Variants in BRD2 observed in about 807,000 individuals in gnomAD.
The protein encoded by BRD2 is bromodomain containing 2, also known as bromodomain-containing protein 2.
BRD2 carries 15 observed loss-of-function variants against 79.1 expected under a neutral mutation model. That is an observed-to-expected ratio of 0.19 (90% confidence interval 0.13 to 0.29). The LOEUF (loss-of-function observed/expected upper bound fraction) is 0.29, where lower values mean the gene tolerates loss of function less well. Among genes scored for constraint, BRD2 ranks in the 10% least tolerant of loss-of-function variants. The pLI, the probability that BRD2 is intolerant of heterozygous loss-of-function variation, is 1.00. For synonymous variants in BRD2, 488 were observed against 358.6 expected, an observed-to-expected ratio of 1.36 and a Z score of -4.08; for missense variants, 1,053 against 991.3, an observed-to-expected ratio of 1.06 and a Z score of -0.84.
rs574090646 is a variant in BRD2 at position 32,978,452 on chromosome 6, C to G, written c.1841+64C>G. On this transcript the variant is annotated intron_variant, in intron 10 of 12. Transcript: ENST00000374825. The stretch of plus-strand genomic sequence containing the variant: ...TCTGTCTCTCTGGGGGATGCCATCT[C>G]TCTTTGCAAAGATAATTCTAAATGG... 34 of 1,562,204 alleles carry G rather than the reference C, an allele frequency of 2.2e-5. No individual in the cohort carries two copies. The African/African-American group carries it at 3.7e-4, about 17-fold the overall frequency.
At position 32,980,792 on chromosome 6, in the gene BRD2, C is replaced by T. The variant is rs1316510519; in HGVS notation, c.*74C>T. On this transcript the variant is annotated 3_prime_UTR_variant, in exon 13 of 13. Coordinates refer to ENST00000374825, the MANE Select transcript of BRD2 (RefSeq NM_005104.4). ...GACCACCCTGCCCCACCTGCCCCTT[C>T]CCCCTTTGCTGTGACACTTCTTCAT... The T allele has an allele frequency of 2.6e-6, 4 of 1,557,954 alleles. No homozygotes were observed. The highest frequency in any genetic ancestry group is 2.7e-5 in the African/African-American group (2 of 73,490).
Position 32,980,120 on chromosome 6 carries a change from C to T in BRD2, c.2134C>T (p.Arg712Trp), listed in dbSNP as rs763703049. The T allele has an allele frequency of 1.1e-5, 18 of 1,611,772 alleles. No individual in the cohort carries two copies. Among genetic ancestry groups the T allele is most frequent in the African/African-American group, 6.7e-5 (5 of 74,950 alleles). Reference sequence around the variant, plus strand: ...CCTTTCCTGCCTACGTAAGAAACCCCGGAAGCCCTACAGTACGTATGAAAT... The same window carrying T: ...CCTTTCCTGCCTACGTAAGAAACCCTGGAAGCCCTACAGTACGTATGAAAT... Reference protein sequence around the residue: ...YVLSCLRKKPRKPYTIKKPVG... With the variant: ...YVLSCLRKKPWKPYTIKKPVG... Residue 712 changes from arginine (R) to tryptophan (W), a missense_variant, in exon 11 of 13, where the codon CGG becomes TGG. Physicochemically the swap from Arg to Trp is moderately radical, Grantham distance 101 (BLOSUM62 -3). Transcript: ENST00000374825.
Position 32,980,752 on chromosome 6 carries a change from A to C in BRD2, c.*34A>C, listed in dbSNP as rs747933045. 1 of 1,610,726 alleles carries C rather than the reference A, an allele frequency of 6.2e-7. No individual in the cohort carries two copies. Among genetic ancestry groups the C allele is most frequent in the South Asian group, 1.1e-5 (1 of 91,004 alleles). The stretch of plus-strand genomic sequence containing the variant: ...GCCAGATGGGGCAGGAAGGCTCCGC[A>C]GGACCGGACCCCTAGACCACCCTGC... On this transcript the variant is annotated 3_prime_UTR_variant, in exon 13 of 13. Coordinates refer to ENST00000374825, the MANE Select transcript of BRD2 (RefSeq NM_005104.4).
rs1444435161 is a variant in BRD2 at position 32,978,129 on chromosome 6, C to A, written c.1582C>A (p.Arg528=). The A allele has an allele frequency of 2.5e-6, 4 of 1,603,774 alleles. No individual in the cohort carries two copies. The African/African-American group carries it at 5.4e-5, about 22-fold the overall frequency. ...HRLAELQEQL[R]AVHEQLAALS... ...CTTCATGTTTTTTTTCCTTTAGCTT[C>A]GGGCAGTACATGAACAACTGGCTGC... The change falls in exon 10 of 13, where the codon CGG becomes AGG. Residue 528 remains arginine (R), a synonymous_variant. Transcript: ENST00000374825.
At position 32,976,663 on chromosome 6, in the gene BRD2, G is replaced by A. The variant is rs1282820227; in HGVS notation, c.927G>A (p.Lys309=). The A allele has an allele frequency of 1.2e-6, 2 of 1,612,842 alleles. No homozygotes were observed. The highest frequency in any genetic ancestry group is 1.7e-6 in the Non-Finnish European group (2 of 1,180,046). ...GCCCTCCTGGGAGTCTTGAGCCTAAGGCAGCACGGCTTCCCCCTATGCGTA... is the reference window on the plus strand; with the variant it reads ...GCCCTCCTGGGAGTCTTGAGCCTAAAGCAGCACGGCTTCCCCCTATGCGTA... ...PASPPGSLEP[K]AARLPPMRRE... is the part of the protein sequence containing the mutation. The change falls in exon 7 of 13, where the codon AAG becomes AAA. Residue 309 remains lysine (K), a synonymous_variant. Transcript: ENST00000374825.
intron 3 of BRD2, chr6:32,975,117 T>C: frequency 6.6e-7 from 1 of 1,507,668 alleles, no homozygotes; most frequent in African/African-American, 1.4e-5. Context: ...CCAGAGGTAA[T>C]GTCACAGGAT....
At position 32,977,409 on chromosome 6, in the gene BRD2, C is replaced by G. The variant is rs377617581; in HGVS notation, c.1201-33C>G. ...GGCAGGGAAAGGTGAGTCTTCCTGC[C>G]TGTGCAGCTTCTGATGCTGCCTCCT... On this transcript the variant is annotated intron_variant, in intron 7 of 12. Coordinates refer to ENST00000374825, the MANE Select transcript of BRD2 (RefSeq NM_005104.4). 29 of 1,613,376 alleles carry G rather than the reference C, an allele frequency of 1.8e-5. No individual in the cohort carries two copies. The African/African-American group carries it at 3.1e-4, about 17-fold the overall frequency.
chr6:32,980,801 C>A lies in BRD2; in HGVS notation c.*83C>A. On this transcript the variant is annotated 3_prime_UTR_variant, in exon 13 of 13. Coordinates refer to ENST00000374825, the MANE Select transcript of BRD2 (RefSeq NM_005104.4). ...GCCCCACCTGCCCCTTCCCCCTTTGCTGTGACACTTCTTCATCTCACCCCC... is the reference window on the plus strand; with the variant it reads ...GCCCCACCTGCCCCTTCCCCCTTTGATGTGACACTTCTTCATCTCACCCCC... 6.6e-7 allele frequency: 1 copy of A among 1,520,018 alleles called. No homozygotes were observed. Among genetic ancestry groups the A allele is most frequent in the Non-Finnish European group, 9.0e-7 (1 of 1,108,170 alleles). 94.2% of individuals were successfully genotyped at this position (1,520,018 alleles called of 1,614,324 possible). A position where few individuals can be genotyped will look rare whatever the true frequency, so the allele number is the denominator to read the frequency against.
In BRD2 at chr6:32,974,200, A is replaced by T. The variant is rs3918151; in HGVS notation, c.30-262A>T. Among the ~76,000 whole-genome samples the T allele has an allele frequency of 9.4e-3, 1,426 of 152,230 alleles. 29 individuals carry two copies. The highest frequency in any genetic ancestry group is 0.051 in the South Asian group (245 of 4,820). On this transcript the variant is annotated intron_variant, in intron 2 of 12. Transcript: ENST00000374825. The stretch of plus-strand genomic sequence containing the variant: ...GTCAGAAACAATTTGGGAGTTTTTT[A>T]AAATATGAAAAAGAACAGATAGAGC...
chr6:32,976,988 G>A, intron 7 of BRD2, 52 bp downstream of exon 7: 1 of 1,548,688 alleles, frequency 6.5e-7, no homozygotes, highest in Admixed American at 2.0e-5. Flanking sequence ...GGGAGCCTAG[G>A]TGCAAAACAA....
Position 32,977,811 on chromosome 6 carries a change from C to G in BRD2, c.1384C>G (p.Pro462Ala), listed in dbSNP as rs199605967. The change falls in exon 9 of 13, where the codon CCT (proline) becomes GCT (alanine). Residue 462 changes from proline (P) to alanine (A), a missense_variant. Physicochemically the swap from Pro to Ala is conservative, Grantham distance 27 (BLOSUM62 -1). Coordinates refer to ENST00000374825, the MANE Select transcript of BRD2 (RefSeq NM_005104.4). ...KMPDEPLEPG[P>A]LPVSTAMPPG... is the part of the protein sequence containing the mutation. ...GCCAGATGAACCACTAGAACCAGGG[C>G]CTTTACCAGTCTCTACTGCCATGCC... 1.2e-6 allele frequency: 2 copies of G among 1,612,948 alleles called. No homozygotes were observed. The highest frequency in any genetic ancestry group is 1.3e-5 in the African/African-American group (1 of 74,914).
rs920894966 is a variant in BRD2 at position 32,975,993 on chromosome 6, T to A, written c.472-38T>A. The stretch of plus-strand genomic sequence containing the variant: ...GGTGTGTATCTATCTTCTGTTGGCA[T>A]TTTTTAACTTTCTTTATTGCTGTCT... On this transcript the variant is annotated intron_variant, in intron 4 of 12. Transcript: ENST00000374825. 3 of 1,570,390 alleles carry A rather than the reference T, an allele frequency of 1.9e-6. No homozygotes were observed. In the African/African-American group the frequency reaches 4.1e-5, roughly 21 times the overall value.
intron 2 of BRD2, 168 bp downstream of exon 2, chr6:32,973,095 G>A (rs1472013614): frequency 1.3e-6 from 2 of 1,566,024 alleles, no homozygotes; most frequent in Non-Finnish European, 1.7e-6. Flanking sequence ...GAACGGTGGT[G>A]GCGGCTCGGC....
At position 32,971,786 on chromosome 6, in the gene BRD2, T is replaced by C. The variant is rs1268963579; in HGVS notation, c.-1113T>C. 1.6e-6 allele frequency: 1 copy of C among 629,252 alleles called. No individual in the cohort carries two copies. Among genetic ancestry groups the C allele is most frequent in the South Asian group, 1.8e-5 (1 of 55,512 alleles). 39.0% of individuals were successfully genotyped at this position (629,252 alleles called of 1,614,324 possible). On this transcript the variant is annotated 5_prime_UTR_variant, in exon 2 of 13. Coordinates refer to ENST00000374825, the MANE Select transcript of BRD2 (RefSeq NM_005104.4). Reference sequence around the variant, plus strand: ...CTCCAGTTGGGCTGTGCATGGAAGCTTGGGAAGACTTTGTTGGAAGGGGAG... The same window carrying C: ...CTCCAGTTGGGCTGTGCATGGAAGCCTGGGAAGACTTTGTTGGAAGGGGAG...
Position 32,971,779 on chromosome 6 carries a change from T to C in BRD2, c.-1120T>C, listed in dbSNP as rs142535126. On this transcript the variant is annotated 5_prime_UTR_variant, in exon 2 of 13. An upstream start codon of the reference 5' UTR is lost. Transcript: ENST00000374825. ...TGGCAGTCTCCAGTTGGGCTGTGCA[T>C]GGAAGCTTGGGAAGACTTTGTTGGA... The C allele has an allele frequency of 5.0e-4, 314 of 625,046 alleles. No homozygotes were observed. Among genetic ancestry groups the C allele is most frequent in the South Asian group, 1.4e-3 (78 of 54,906 alleles). 38.7% of individuals were successfully genotyped at this position (625,046 alleles called of 1,614,324 possible).
rs1779422378 is a variant in BRD2 at position 32,980,695 on chromosome 6, A to G, written c.2383A>G (p.Thr795Ala). Residue 795 changes from threonine to alanine, a missense_variant, in exon 13 of 13, where the codon ACC becomes GCC. This residue lies in a region of BRD2 where 139 missense variants were observed against 133.2 expected (regional missense o/e 1.04). Transcript: ENST00000374825. Reference protein sequence around the residue: ...SSSSSSSSSDTSDSDSG With the variant: ...SSSSSSSSSDASDSDSG ...CTCTTCCTCGTCGTCGTCTTCAGACACCAGTGATTCAGACTCAGGCTAAGG... is the reference window on the plus strand; with the variant it reads ...CTCTTCCTCGTCGTCGTCTTCAGACGCCAGTGATTCAGACTCAGGCTAAGG... 2 of 1,613,014 alleles carry G rather than the reference A, an allele frequency of 1.2e-6. No homozygotes were observed. The highest frequency in any genetic ancestry group is 4.5e-5 in the East Asian group (2 of 44,880).
At chr6:32,980,294 A>G (rs1466208706) in intron 11 of BRD2, 48 bp from the exon 12 acceptor site, 1 of 1,605,156 alleles carries the variant, frequency 6.2e-7, no homozygotes. Flanking sequence ...GCCCATAATA[A>G]GATGCTTGGG....
intron 10 of BRD2, 176 bp from the exon 11 acceptor site, chr6:32,979,652 C>CAAAT: frequency 1.5e-6 from 1 of 674,402 alleles, no homozygotes; most frequent in Non-Finnish European, 2.4e-6. Context: ...TACAGTCGAG[C>CAAAT]AAAATGCTCT....
In BRD2 at chr6:32,979,875, G is replaced by A. The variant is rs770818415; in HGVS notation, c.1889G>A (p.Gly630Asp). ...TKTAPPALPT[G>D]YDSEEEEESR... is the part of the protein sequence containing the mutation. ...ACAGCCCCACCTGCCCTGCCTACAGGTTATGATTCAGAGGAGGAGGAAGAG... is the reference window on the plus strand; with the variant it reads ...ACAGCCCCACCTGCCCTGCCTACAGATTATGATTCAGAGGAGGAGGAAGAG... Residue 630 changes from glycine (G) to aspartate (D), a missense_variant, in exon 11 of 13, where the codon GGT becomes GAT. Physicochemically the swap from Gly to Asp is moderately conservative, Grantham distance 94. Coordinates refer to ENST00000374825, the MANE Select transcript of BRD2 (RefSeq NM_005104.4). The A allele has an allele frequency of 2.5e-6, 4 of 1,613,046 alleles. No individual in the cohort carries two copies. The highest frequency in any genetic ancestry group is 3.4e-6 in the Non-Finnish European group (4 of 1,179,998).
Sources: gnomAD v4.1 joint callset for allele counts (sites outside exome capture counted in the v4.1 genomes callset) on GRCh38, gnomAD v4.1.1 for gene constraint, gnomAD v4.1.1 regional missense constraint, MANE v1.5 for transcripts, NCBI Gene and HGNC (gene_info 2026-07-23, HGNC 2026-07-21) for gene names.